SEC63: variants seen among roughly 807,000 people sequenced by gnomAD.
SEC63 encodes the protein SEC63 protein translocation regulator, also known as translocation protein SEC63 homolog.
Under a neutral mutation model 116.2 loss-of-function variants are expected in SEC63, and 56 were observed. The observed-to-expected ratio is 0.48, with a 90% CI of 0.39 to 0.60. SEC63 has a LOEUF of 0.60. SEC63 is among the 20% of genes least tolerant of loss of function. The pLI, the probability that SEC63 is intolerant of heterozygous loss-of-function variation, is 0.00. For synonymous variants in SEC63, 273 were observed against 294.6 expected, an observed-to-expected ratio of 0.93 and a Z score of 0.75; for missense variants, 668 against 900.0, an observed-to-expected ratio of 0.74 and a Z score of 3.30.
intron 1 of SEC63, among the ~76,000 whole-genome samples, chr6:107,933,395 A>C (rs893844618): frequency 6.6e-6 from 1 of 152,184 alleles, no homozygotes; most frequent in Admixed American, 6.5e-5. Context: ...TAAAACACCT[A>C]AACAGACACC....
In SEC63 at chr6:107,869,800, CTG is replaced by C. The variant is rs1226797307; in HGVS notation, c.*1902_*1903del. ...TTTTTTTTTTTTTTTTTTTTAAGCA[CTG>C]TGGTGTTACTAGGTTATCATCCTCT... On this transcript the variant is annotated 3_prime_UTR_variant, in exon 21 of 21. Coordinates refer to ENST00000369002, the MANE Select transcript of SEC63 (RefSeq NM_007214.5). 1 of 135,346 alleles carries C rather than the reference CTG, an allele frequency of 7.4e-6. No homozygotes were observed. The highest frequency in any genetic ancestry group is 1.6e-5 in the Non-Finnish European group (1 of 64,030). The allele number at this position is 135,346 out of a possible 1,614,324, so 8.4% of individuals were successfully genotyped here.
chr6:107,908,978 T>C lies in SEC63; in HGVS notation c.682A>G (p.Thr228Ala), dbSNP rs768779137. ...TAAACAAAGTATGTATAAATCTGTG[T>C]TGTGCGTATTAGAATCTGGTCTCCA... ...YSGDQILIRT[T>A]QIYTYFVYKT... Residue 228 changes from threonine to alanine, a missense_variant, in exon 8 of 21, where the codon ACA becomes GCA. Thr to Ala is a moderately conservative substitution (Grantham distance 58). This residue lies in a region of SEC63 where 430 missense variants were observed against 557.5 expected (regional missense o/e 0.77). Transcript: ENST00000369002. 1 of 1,613,410 alleles carries C rather than the reference T, an allele frequency of 6.2e-7. No homozygotes were observed. The highest frequency in any genetic ancestry group is 1.1e-5 in the South Asian group (1 of 91,058).
At chr6:107,874,731 A>C (rs1371076082) in intron 19 of SEC63, among the ~76,000 whole-genome samples, 1 of 152,010 alleles carries the variant, frequency 6.6e-6, no homozygotes, top group Non-Finnish European at 1.5e-5. Context: ...GCTGAAGTAC[A>C]GGGGCATGAT....
intron 7 of SEC63, among the ~76,000 whole-genome samples, chr6:107,910,539 A>G (rs1294512778): frequency 6.9e-6 from 1 of 144,984 alleles, no homozygotes; most frequent in Non-Finnish European, 1.6e-5. Flanking sequence ...TGCATGTCAT[A>G]CATATATACA....
intron 1 of SEC63, among the ~76,000 whole-genome samples, chr6:107,943,833 T>C (rs1424807033): frequency 6.6e-6 from 1 of 152,218 alleles, no homozygotes; most frequent in East Asian, 1.9e-4. Flanking sequence ...CACGAAGGAC[T>C]TTACAGGATA....
intron 14 of SEC63, among the ~76,000 whole-genome samples, chr6:107,896,320 C>G (rs910408808): frequency 6.6e-6 from 1 of 151,852 alleles, no homozygotes; most frequent in African/African-American, 2.4e-5. Context: ...AAAAATTAGC[C>G]GGGCGTGGTG....
intron 11 of SEC63, among the ~76,000 whole-genome samples, chr6:107,903,934 C>G (rs371712528): frequency 9.1e-5 from 13 of 143,532 alleles, no homozygotes; most frequent in Admixed American, 4.8e-4. Context: ...CCTGACCAAC[C>G]TGATGAAACC....
At chr6:107,944,563 G>T (rs905698964) in intron 1 of SEC63, among the ~76,000 whole-genome samples, 4 of 152,072 alleles carry the variant, frequency 2.6e-5, no homozygotes, top group African/African-American at 9.7e-5. Context: ...TGCAGGTGGT[G>T]GTGTATGCCT....
chr6:107,925,514 C>A (rs565125939), intron 2 of SEC63, among the ~76,000 whole-genome samples: 1 of 152,206 alleles, frequency 6.6e-6, no homozygotes, highest in East Asian at 1.9e-4. Flanking sequence ...GAAGGATGTT[C>A]ATAATCGGTT....
chr6:107,936,553 A>G (rs114213393), intron 1 of SEC63, among the ~76,000 whole-genome samples: 1 of 152,202 alleles, frequency 6.6e-6, no homozygotes, highest in Non-Finnish European at 1.5e-5. Context: ...ATTTTTTTAA[A>G]GAAATTATCC....
chr6:107,914,554 T>C (rs1787356947), intron 4 of SEC63, among the ~76,000 whole-genome samples: 2 of 152,306 alleles, frequency 1.3e-5, no homozygotes, highest in East Asian at 1.9e-4. Context: ...CCTTATTTAA[T>C]TGTAACTCCA....
intron 8 of SEC63, among the ~76,000 whole-genome samples, chr6:107,908,490 C>T (rs1460461743): frequency 6.6e-6 from 1 of 152,142 alleles, no homozygotes; most frequent in Admixed American, 6.6e-5. Flanking sequence ...GGGTTCAATC[C>T]TGGATATCAC....
rs1208646084 is a variant in SEC63, at chr6:107,912,612, C to T, written c.573+104G>A. On this transcript the variant is annotated intron_variant, in intron 6 of 20. Coordinates refer to ENST00000369002, the MANE Select transcript of SEC63 (RefSeq NM_007214.5). ...ATGAATGAATGAATGAATGGCACAC[C>T]AGTATTTTCTTTGTAATAGTTCTTC... is the stretch of plus-strand genomic sequence containing the variant. 8 of 732,388 alleles carry T rather than the reference C, an allele frequency of 1.1e-5. No homozygotes were observed. In the East Asian group the frequency reaches 2.1e-4, roughly 20 times the overall value. 45.4% of individuals were successfully genotyped at this position (732,388 alleles called of 1,614,324 possible).
At chr6:107,925,614 A>G (rs1056410266) in intron 2 of SEC63, among the ~76,000 whole-genome samples, 6 of 152,218 alleles carry the variant, frequency 3.9e-5, no homozygotes, top group Non-Finnish European at 5.9e-5. Context: ...TATGTAAAAG[A>G]TTAACATTAC....
rs573394707 is a variant in SEC63, at chr6:107,897,659, T to C, written c.1430A>G (p.Gln477Arg). 1.9e-6 allele frequency: 3 copies of C among 1,598,308 alleles called. No homozygotes were observed. Among genetic ancestry groups the C allele is most frequent in the Non-Finnish European group, 2.6e-6 (3 of 1,165,744 alleles). ...AGATAGACTACTTACAGCCATTGTT[T>C]GCCTTGTCAACTTAACCAACACTGT... ...LVTVLVKLTRQTMAEVFEKEQ... is the reference protein window; with the variant it reads ...LVTVLVKLTRRTMAEVFEKEQ... The change falls in exon 14 of 21, where the codon CAA (glutamine) becomes CGA (arginine). Residue 477 changes from glutamine to arginine, a missense_variant. Gln to Arg is a conservative substitution (Grantham distance 43). Coordinates refer to ENST00000369002, the MANE Select transcript of SEC63 (RefSeq NM_007214.5).
intron 1 of SEC63, among the ~76,000 whole-genome samples, chr6:107,932,503 A>C (rs1230725040): frequency 6.6e-6 from 1 of 152,146 alleles, no homozygotes; most frequent in Non-Finnish European, 1.5e-5. Context: ...CATGTAGGGG[A>C]GAGTATGGTA....
intron 16 of SEC63, among the ~76,000 whole-genome samples, chr6:107,886,488 T>C (rs1786531958): frequency 6.6e-6 from 1 of 152,208 alleles, no homozygotes; most frequent in Admixed American, 6.5e-5. Flanking sequence ...GTAAAAGTGT[T>C]TCTATTTCTC....
intron 12 of SEC63, 26 bp from the exon 13 acceptor site, chr6:107,901,543 C>T (rs1250886389): frequency 2.1e-6 from 3 of 1,429,370 alleles, no homozygotes; most frequent in East Asian, 2.4e-5. Context: ...AAAGAAAATA[C>T]ATAATTCCCT....
chr6:107,868,113 T>C lies in SEC63; in HGVS notation c.*3591A>G, dbSNP rs1476455038. 2 of 65,986 alleles carry C rather than the reference T, an allele frequency of 3.0e-5. No individual in the cohort carries two copies. The highest frequency in any genetic ancestry group is 1.9e-4 in the Admixed American group (1 of 5,310). 4.1% of individuals were successfully genotyped at this position (65,986 alleles called of 1,614,324 possible). A position where few individuals can be genotyped will look rare whatever the true frequency, so the allele number is the denominator to read the frequency against. ...CTTGAGACATATTTGGACTAATCACTACACAGCTGGCAAAATGTTATGGTT... is the reference window on the plus strand; with the variant it reads ...CTTGAGACATATTTGGACTAATCACCACACAGCTGGCAAAATGTTATGGTT... On this transcript the variant is annotated 3_prime_UTR_variant, in exon 21 of 21. Coordinates refer to ENST00000369002, the MANE Select transcript of SEC63 (RefSeq NM_007214.5).
Sources: gnomAD v4.1 joint callset for allele counts (sites outside exome capture counted in the v4.1 genomes callset) on GRCh38, gnomAD v4.1.1 for gene constraint, gnomAD v4.1.1 regional missense constraint, MANE v1.5 for transcripts, NCBI Gene and HGNC (gene_info 2026-07-23, HGNC 2026-07-21) for gene names.